CNNM1: variants seen among roughly 807,000 people sequenced by gnomAD.
CNNM1 encodes cyclin and CBS domain divalent metal cation transport mediator 1, also known as metal transporter CNNM1.
A neutral mutation model predicts 78.8 loss-of-function variants in CNNM1; 44 were observed. That is an observed-to-expected ratio of 0.56 (90% CI 0.44 to 0.72). The LOEUF (loss-of-function observed/expected upper bound fraction) is 0.72, where lower values mean the gene tolerates loss of function less well. CNNM1 is among the 30% of genes least tolerant of loss of function. CNNM1 has a pLI of 0.00. For missense variants in CNNM1, 1,101 were observed against 1,292.2 expected (o/e 0.85, Z 2.27); for synonymous variants, 584 against 581.5 (o/e 1.00, Z -0.06).
At chr10:99,378,663 C>A (rs1294934460) in intron 7 of CNNM1, among the ~76,000 whole-genome samples, 4 of 152,144 alleles carry the variant, frequency 2.6e-5, no homozygotes, top group Non-Finnish European at 2.9e-5. Context: ...TTTACTGAGT[C>A]CTTTGTTTGA....
At chr10:99,364,628 C>T (rs1012981571) in intron 5 of CNNM1, 112 bp downstream of exon 5, 1 of 850,014 alleles carries the variant, frequency 1.2e-6, no homozygotes, top group Non-Finnish European at 1.8e-6. Flanking sequence ...CTGGACAAGC[C>T]ATTTAACTTC....
intron 5 of CNNM1, 141 bp downstream of exon 5, chr10:99,364,657 C>T: frequency 1.4e-6 from 1 of 700,190 alleles, no homozygotes. Context: ...TAGTTCCTTC[C>T]TCTGCAAAAT....
Position 99,329,835 on chromosome 10 carries a change from C to A in CNNM1, c.448C>A (p.Arg150Ser), listed in dbSNP as rs1352546775. Reference sequence around the variant, plus strand: ...GGACGTGGAAGTCCTGGGGCCCTTGCGTCCCGGGGGCGTGGCAGGCTCGGC... The same window carrying A: ...GGACGTGGAAGTCCTGGGGCCCTTGAGTCCCGGGGGCGTGGCAGGCTCGGC... ...ASDVEVLGPL[R>S]PGGVAGSALV... The change falls in exon 1 of 11, where the codon CGT becomes AGT. Residue 150 changes from arginine (R) to serine (S), a missense_variant. Physicochemically the swap from Arg to Ser is moderately radical, Grantham distance 110. Transcript: ENST00000356713. The A allele has an allele frequency of 1.4e-6, 2 of 1,424,576 alleles. No homozygotes were observed. Among genetic ancestry groups the A allele is most frequent in the Non-Finnish European group, 1.8e-6 (2 of 1,094,600 alleles). The allele number at this position is 1,424,576 out of a possible 1,614,324, so 88.2% of individuals were successfully genotyped here.
At chr10:99,390,601 A>G (rs558299325) in intron 10 of CNNM1, among the ~76,000 whole-genome samples, 194 bp downstream of exon 10, 91 of 152,224 alleles carry the variant, frequency 6.0e-4, no homozygotes, top group Non-Finnish European at 1.1e-3. Context: ...TGTCCCATTC[A>G]GTTGTTTGTC....
chr10:99,367,121 T>C (rs2031644730), intron 6 of CNNM1, among the ~76,000 whole-genome samples: 2 of 152,144 alleles, frequency 1.3e-5, no homozygotes, highest in Admixed American at 1.3e-4. Context: ...CCCACAGTTA[T>C]CCCGGGTGAA....
In CNNM1 at chr10:99,357,556, G is replaced by C. The variant is rs1343670405; in HGVS notation, c.1618G>C (p.Glu540Gln). ...TGTCCAGCGGGTGAATAATGAGGGA[G>C]AAGGGGACCCTTTCTATGAGGTGAT... ...AIVQRVNNEG[E>Q]GDPFYEVMGI... Residue 540 changes from glutamate (E) to glutamine (Q), a missense_variant, in exon 2 of 11, where the codon GAA becomes CAA. Physicochemically the swap from Glu to Gln is conservative, Grantham distance 29 (BLOSUM62 2). Transcript: ENST00000356713. 6.2e-7 allele frequency: 1 copy of C among 1,613,770 alleles called. No individual in the cohort carries two copies. The highest frequency in any genetic ancestry group is 1.1e-5 in the South Asian group (1 of 91,010).
At chr10:99,385,052 CA>C (rs780597974) in intron 7 of CNNM1, among the ~76,000 whole-genome samples, 244 of 111,258 alleles carry the variant, frequency 2.2e-3, no homozygotes, top group South Asian at 9.4e-3. Flanking sequence ...GACTCCATCT[CA>C]AAAAAAAAAA....
Position 99,329,455 on chromosome 10 carries a change from C to G in CNNM1, c.68C>G (p.Ala23Gly). 1 of 1,377,938 alleles carries G rather than the reference C, an allele frequency of 7.3e-7. No homozygotes were observed. Among genetic ancestry groups the G allele is most frequent in the East Asian group, 2.8e-5 (1 of 35,388 alleles). 85.4% of individuals were successfully genotyped at this position (1,377,938 alleles called of 1,614,324 possible). A position where few individuals can be genotyped will look rare whatever the true frequency, so the allele number is the denominator to read the frequency against. ...VRLRDCCSRG[A>G]VLLLFFSLSP... ...CTCCGGGACTGCTGCAGCCGAGGCGCTGTGCTCCTGCTCTTCTTTTCCCTG... is the reference window on the plus strand; with the variant it reads ...CTCCGGGACTGCTGCAGCCGAGGCGGTGTGCTCCTGCTCTTCTTTTCCCTG... Residue 23 changes from alanine (A) to glycine (G), a missense_variant, in exon 1 of 11, where the codon GCT becomes GGT. Transcript: ENST00000356713.
chr10:99,374,259 G>A (rs138213526), intron 6 of CNNM1, among the ~76,000 whole-genome samples: 2 of 152,128 alleles, frequency 1.3e-5, no homozygotes, highest in Admixed American at 1.3e-4. Context: ...CACTGTCCCT[G>A]TCCCCGTCAG....
intron 1 of CNNM1, among the ~76,000 whole-genome samples, chr10:99,350,797 A>G (rs746670706): frequency 1.3e-5 from 2 of 151,564 alleles, no homozygotes; most frequent in Non-Finnish European, 1.5e-5. Context: ...CCCTCCCCCA[A>G]CCCCACCCCC....
chr10:99,362,211 ACTCACT>A lies in CNNM1; in HGVS notation c.1859-12_1859-7del. ...AGCTGATGCTGATTCCTCCCTTCCC[ACTCACT>A]CTCCTCTAGAAGTGGAGCCCTTTAA... is the stretch of plus-strand genomic sequence containing the variant. On this transcript the variant is annotated splice_polypyrimidine_tract_variant and intron_variant, in intron 3 of 10. Transcript: ENST00000356713. The A allele has an allele frequency of 6.3e-7, 1 of 1,593,896 alleles. No homozygotes were observed.
chr10:99,374,242 T>G (rs4919305), intron 6 of CNNM1, among the ~76,000 whole-genome samples: 50,025 of 152,054 alleles, frequency 0.33, 11,646 homozygotes, highest in African/African-American at 0.66. Flanking sequence ...GTTCTCTACA[T>G]TACCATCACT....
At chr10:99,366,040 A>G (rs2031605348) in intron 6 of CNNM1, among the ~76,000 whole-genome samples, 1 of 152,220 alleles carries the variant, frequency 6.6e-6, no homozygotes, top group Non-Finnish European at 1.5e-5. Context: ...CTGGAATGCA[A>G]TTTCTAAGTG....
In CNNM1 at chr10:99,330,580, T is replaced by C. The variant is rs368452631; in HGVS notation, c.1193T>C (p.Leu398Pro). The change falls in exon 1 of 11, where the codon CTG becomes CCG. Residue 398 changes from leucine to proline, a missense_variant. By Grantham distance (98) the Leu-to-Pro change is moderately conservative. Coordinates refer to ENST00000356713, the MANE Select transcript of CNNM1 (RefSeq NM_020348.3). Reference protein sequence around the residue: ...ISTFYTREKLLETLRAADPYS... With the variant: ...ISTFYTREKLPETLRAADPYS... ...ACCTTCTACACGCGGGAGAAGTTGC[T>C]GGAGACGTTGCGGGCCGCAGACCCC... 11 of 1,610,816 alleles carry C rather than the reference T, an allele frequency of 6.8e-6. No individual in the cohort carries two copies. The highest frequency in any genetic ancestry group is 5.3e-5 in the African/African-American group (4 of 74,854).
chr10:99,364,642 G>A, intron 5 of CNNM1, 126 bp downstream of exon 5: 1 of 761,614 alleles, frequency 1.3e-6, no homozygotes, highest in Non-Finnish European at 2.1e-6. Context: ...TAACTTCCTT[G>A]GCTTTAGTTC....
chr10:99,390,618 G>A (rs934473545), intron 10 of CNNM1, among the ~76,000 whole-genome samples: 5 of 152,210 alleles, frequency 3.3e-5, no homozygotes, highest in African/African-American at 1.2e-4. Flanking sequence ...TGTCCTCTAG[G>A]ACAGAAGTCT....
intron 1 of CNNM1, among the ~76,000 whole-genome samples, chr10:99,331,322 A>C (rs1249365981): frequency 2.0e-5 from 3 of 152,214 alleles, no homozygotes; most frequent in African/African-American, 7.2e-5. Context: ...ACACCTCTGC[A>C]GGTTCCCATA....
At chr10:99,358,753 C>T (rs904010195) in intron 2 of CNNM1, among the ~76,000 whole-genome samples, 2 of 152,078 alleles carry the variant, frequency 1.3e-5, no homozygotes, top group African/African-American at 2.4e-5. Context: ...GAAATGTCCT[C>T]TCCCTCCCCC....
At chr10:99,368,699 C>G in intron 6 of CNNM1, 1 of 1,288,916 alleles carries the variant, frequency 7.8e-7, no homozygotes, top group South Asian at 1.2e-5. Flanking sequence ...GCATGGGTGT[C>G]TCGGGTCTCT....
Sources: gnomAD v4.1 joint callset for allele counts (sites outside exome capture counted in the v4.1 genomes callset) on GRCh38, gnomAD v4.1.1 for gene constraint, MANE v1.5 for transcripts, NCBI Gene and HGNC (gene_info 2026-07-23, HGNC 2026-07-21) for gene names.